THSD7B: variants seen among roughly 807,000 people sequenced by gnomAD.
The protein encoded by THSD7B is thrombospondin type 1 domain containing 7B, also known as thrombospondin type-1 domain-containing protein 7B.
In THSD7B, 138 loss-of-function variants were observed where a neutral mutation model predicts 213.6. The observed-to-expected ratio is 0.65, with a 90% CI of 0.56 to 0.74. THSD7B has a LOEUF of 0.74. THSD7B is among the 30% of genes least tolerant of loss of function. THSD7B has a pLI of 0.00. For missense variants in THSD7B, 1,931 were observed against 1,991.5 expected (o/e 0.97, Z 0.58); for synonymous variants, 742 against 687.0 (o/e 1.08, Z -1.25).
chr2:137,532,461 A>C (rs1680415251), intron 15 of THSD7B, among the ~76,000 whole-genome samples: 1 of 151,910 alleles, frequency 6.6e-6, no homozygotes, highest in Non-Finnish European at 1.5e-5. Context: ...AACTCATTAA[A>C]TTCCTACAAA....
intron 2 of THSD7B, among the ~76,000 whole-genome samples, chr2:136,913,081 A>T (rs1411708705): frequency 6.6e-6 from 1 of 152,208 alleles, no homozygotes; most frequent in African/African-American, 2.4e-5. Flanking sequence ...TGATAGTGAT[A>T]TGGACAACAA....
intron 1 of THSD7B, among the ~76,000 whole-genome samples, chr2:136,777,765 A>G (rs538925504): frequency 6.6e-6 from 1 of 152,196 alleles, no homozygotes; most frequent in Admixed American, 6.5e-5. Context: ...TTAAAATTGG[A>G]ATTTTAGGTT....
chr2:137,072,084 A>G (rs889154967), intron 3 of THSD7B, among the ~76,000 whole-genome samples: 2 of 152,168 alleles, frequency 1.3e-5, no homozygotes, highest in African/African-American at 4.8e-5. Flanking sequence ...TGACTTGGCG[A>G]TGCAGGCTCT....
At chr2:137,585,342 A>T (rs774948488) in intron 17 of THSD7B, among the ~76,000 whole-genome samples, 27 of 152,032 alleles carry the variant, frequency 1.8e-4, no homozygotes, top group Non-Finnish European at 2.2e-4. Flanking sequence ...TATCTCCTTC[A>T]GTTCTGCTCT....
intron 2 of THSD7B, among the ~76,000 whole-genome samples, chr2:136,937,773 G>A (rs1029855954): frequency 2.6e-5 from 4 of 152,150 alleles, no homozygotes; most frequent in African/African-American, 7.2e-5. Context: ...TAGATGTAGC[G>A]TGGGTACTTT....
chr2:137,488,043 G>A lies in THSD7B; in HGVS notation c.3138+37020G>A, dbSNP rs1386788323. Among the ~76,000 whole-genome samples the A allele has an allele frequency of 4.9e-4, 6 of 12,256 alleles. 3 individuals carry two copies. Among genetic ancestry groups the A allele is most frequent in the Admixed American group, 1.7e-3 (2 of 1,192 alleles). 8.0% of individuals were successfully genotyped at this position (12,256 alleles called of 152,430 possible). A position where few individuals can be genotyped will look rare whatever the true frequency, so the allele number is the denominator to read the frequency against. ...CTCCCAAAGTGCTGGGATTACAGGC[G>A]TGAGCCACCGCGCCCGGCCTATTTT... is the stretch of plus-strand genomic sequence containing the variant. On this transcript the variant is annotated intron_variant, in intron 15 of 27. Coordinates refer to ENST00000409968, the MANE Select transcript of THSD7B (RefSeq NM_001316349.2).
chr2:137,580,556 A>G (rs1239980084), intron 17 of THSD7B, among the ~76,000 whole-genome samples: 2 of 152,182 alleles, frequency 1.3e-5, no homozygotes, highest in Non-Finnish European at 2.9e-5. Flanking sequence ...AGACATACAT[A>G]CTTTATTAGG....
chr2:137,057,533 A>T (rs2104877984), intron 3 of THSD7B, among the ~76,000 whole-genome samples: 1 of 152,342 alleles, frequency 6.6e-6, no homozygotes, highest in Middle Eastern at 3.4e-3. Flanking sequence ...CTGCCATTAC[A>T]ACAGTGATAG....
At chr2:137,224,392 GC>G (rs1225584562) in intron 7 of THSD7B, among the ~76,000 whole-genome samples, 1 of 152,108 alleles carries the variant, frequency 6.6e-6, no homozygotes, top group Non-Finnish European at 1.5e-5. Context: ...CCAAATTCAA[GC>G]TCCACGATTT....
intron 2 of THSD7B, among the ~76,000 whole-genome samples, chr2:136,944,477 T>C (rs1156712601): frequency 6.6e-6 from 1 of 152,164 alleles, no homozygotes; most frequent in Non-Finnish European, 1.5e-5. Flanking sequence ...ATATTGACAG[T>C]GGGGTGTTAA....
chr2:136,844,601 T>A (rs928386235), intron 1 of THSD7B, among the ~76,000 whole-genome samples: 1 of 151,974 alleles, frequency 6.6e-6, no homozygotes, highest in East Asian at 1.9e-4. Context: ...TCATGAAAGG[T>A]AATTTGGAGA....
chr2:137,109,445 T>C (rs964801026), intron 4 of THSD7B, among the ~76,000 whole-genome samples: 3 of 152,202 alleles, frequency 2.0e-5, no homozygotes, highest in Non-Finnish European at 4.4e-5. Context: ...ATTTTGCATG[T>C]TATTTCTATC....
intron 12 of THSD7B, among the ~76,000 whole-genome samples, chr2:137,354,711 A>G (rs1056000615): frequency 6.6e-5 from 10 of 152,048 alleles, no homozygotes; most frequent in Non-Finnish European, 1.2e-4. Context: ...GTAATCTTGC[A>G]TTTTTTGTAT....
intron 2 of THSD7B, among the ~76,000 whole-genome samples, chr2:136,995,880 G>A (rs1008129882): frequency 6.6e-6 from 1 of 152,128 alleles, no homozygotes; most frequent in African/African-American, 2.4e-5. Flanking sequence ...TTTATAGATG[G>A]ATGTAATGAG....
chr2:136,827,839 G>A (rs962602212), intron 1 of THSD7B, among the ~76,000 whole-genome samples: 3 of 152,006 alleles, frequency 2.0e-5, no homozygotes, highest in Non-Finnish European at 2.9e-5. Context: ...AATAAAAGAA[G>A]CAACATATTT....
At chr2:136,781,159 G>T (rs1681734905) in intron 1 of THSD7B, among the ~76,000 whole-genome samples, 1 of 152,038 alleles carries the variant, frequency 6.6e-6, no homozygotes. Flanking sequence ...TTAAGTATGT[G>T]TTGGGGAGTG....
intron 15 of THSD7B, among the ~76,000 whole-genome samples, chr2:137,519,230 A>G (rs1680132956): frequency 7.0e-6 from 1 of 142,042 alleles, no homozygotes; most frequent in Admixed American, 7.2e-5. Flanking sequence ...CTAGCCTGGC[A>G]AGAGAGTGAG....
At chr2:137,616,932 T>C (rs1238392482) in intron 18 of THSD7B, among the ~76,000 whole-genome samples, 1 of 152,112 alleles carries the variant, frequency 6.6e-6, no homozygotes, top group African/African-American at 2.4e-5. Flanking sequence ...TCCATAATGC[T>C]ACAAAATATG....
intron 4 of THSD7B, among the ~76,000 whole-genome samples, chr2:137,101,660 C>A (rs960270513): frequency 6.6e-6 from 1 of 152,156 alleles, no homozygotes; most frequent in African/African-American, 2.4e-5. Flanking sequence ...TCGCTGCCAG[C>A]ACAGCAGTCT....
Sources: gnomAD v4.1 joint callset for allele counts (sites outside exome capture counted in the v4.1 genomes callset) on GRCh38, gnomAD v4.1.1 for gene constraint, MANE v1.5 for transcripts, NCBI Gene and HGNC (gene_info 2026-07-23, HGNC 2026-07-21) for gene names.